Variants in COX15 observed in about 807,000 individuals in gnomAD.
COX15 encodes the protein cytochrome c oxidase assembly factor COX15, also known as heme A synthase COX15.
A neutral mutation model predicts 51.9 loss-of-function variants in COX15; 51 were observed. The observed-to-expected ratio is 0.98, with a 90% CI of 0.78 to 1.24. COX15 has a LOEUF of 1.24. Ranked by LOEUF, COX15 falls within the 50% of genes most tolerant of loss-of-function variation. COX15 has a pLI of 0.00. For missense variants in COX15, 420 were observed against 501.1 expected (o/e 0.84, Z 1.55); for synonymous variants, 188 against 190.5 (o/e 0.99, Z 0.11).
chr10:99,709,036 C>T, downstream of COX15: 1 of 983,496 alleles, frequency 1.0e-6, no homozygotes, highest in South Asian at 4.7e-5. Flanking sequence ...GTTTTCACTA[C>T]ATCTATTCTT....
At chr10:99,706,153 A>T (rs1233861771), downstream of COX15, 1 of 152,204 alleles carries the variant, frequency 6.6e-6, no homozygotes, top group East Asian at 1.9e-4. Context: ...AATAAATTTC[A>T]TACTGGGAAC....
At chr10:99,716,006 T>A (rs1033757) in intron 8 of COX15, among the ~76,000 whole-genome samples, 119,649 of 142,624 alleles carry the variant, frequency 0.84, 50,408 homozygotes, top group Middle Eastern at 0.91. Context: ...TTTTTTTTTT[T>A]AAACAGACAG....
chr10:99,709,585 C>A (rs1403003661), downstream of COX15: 1 of 984,492 alleles, frequency 1.0e-6, no homozygotes, highest in Non-Finnish European at 1.2e-6. Context: ...GAATATACCT[C>A]AAATTGAAAA....
chr10:99,715,544 C>A (rs980625324), intron 8 of COX15, among the ~76,000 whole-genome samples: 1 of 151,482 alleles, frequency 6.6e-6, no homozygotes, highest in Non-Finnish European at 1.5e-5. Flanking sequence ...GTTTCTAGGA[C>A]TGACACTAAT....
intron 2 of COX15, among the ~76,000 whole-genome samples, chr10:99,728,229 A>G (rs900000967): frequency 2.0e-5 from 3 of 152,198 alleles, no homozygotes; most frequent in East Asian, 1.9e-4. Flanking sequence ...GGCCCTGCCA[A>G]AAAGTCACTA....
Position 99,714,388 on chromosome 10 carries a change from AGGGAACATTTAGG to A in COX15, c.*186_*198del. 3 of 1,402,642 alleles carry A rather than the reference AGGGAACATTTAGG, an allele frequency of 2.1e-6. No homozygotes were observed. Among genetic ancestry groups the A allele is most frequent in the Non-Finnish European group, 2.8e-6 (3 of 1,079,162 alleles). The allele number at this position is 1,402,642 out of a possible 1,614,324, so 86.9% of individuals were successfully genotyped here. Reference sequence around the variant, plus strand: ...TTTCAACATGAAAAGCAGATTTAAAAGGGAACATTTAGGGTAACCACACTTAATGCATTCTTGA... The same window carrying A: ...TTTCAACATGAAAAGCAGATTTAAAAGTAACCACACTTAATGCATTCTTGA... On this transcript the variant is annotated 3_prime_UTR_variant, in exon 9 of 9. Coordinates refer to ENST00000016171, the MANE Select transcript of COX15 (RefSeq NM_078470.6).
At chr10:99,700,094 CCT>C in the COX15 span, among the ~76,000 whole-genome samples, 1 of 152,154 alleles carries the variant, frequency 6.6e-6, no homozygotes, top group Non-Finnish European at 1.5e-5. Context: ...CTTCACGCTC[CCT>C]GTTTTTCTGG....
chr10:99,708,726 T>G (rs2036300028), downstream of COX15: 5 of 640,366 alleles, frequency 7.8e-6, no homozygotes, highest in South Asian at 3.5e-4. Context: ...CAGAAGAGTT[T>G]TAAAGCTTCT....
At position 99,711,161 on chromosome 10, in the gene COX15, C is replaced by T. The variant is rs1477783320; in HGVS notation, c.*3426G>A. On this transcript the variant is annotated 3_prime_UTR_variant, in exon 9 of 9. Transcript: ENST00000016171. ...TCATAGATATAATACAGTTATATAGCTAAATGCAACCAGTTGTTTTTCCAA... is the reference window on the plus strand; with the variant it reads ...TCATAGATATAATACAGTTATATAGTTAAATGCAACCAGTTGTTTTTCCAA... The T allele has an allele frequency of 1.0e-6, 1 of 984,864 alleles. No homozygotes were observed. Among genetic ancestry groups the T allele is most frequent in the African/African-American group, 1.7e-5 (1 of 57,172 alleles). The allele number at this position is 984,864 out of a possible 1,614,324, so 61.0% of individuals were successfully genotyped here.
intron 7 of COX15, among the ~76,000 whole-genome samples, chr10:99,717,972 T>C (rs1447321002): frequency 6.6e-6 from 1 of 152,220 alleles, no homozygotes; most frequent in Non-Finnish European, 1.5e-5. Context: ...CTCCGAGAGC[T>C]ACGTGCTTAG....
chr10:99,715,639 T>TAA (rs573115316), intron 8 of COX15, among the ~76,000 whole-genome samples: 10 of 127,472 alleles, frequency 7.8e-5, no homozygotes, highest in African/African-American at 1.4e-4. Context: ...ACTCCATCTC[T>TAA]AAAAAAAAAA....
At position 99,712,217 on chromosome 10, in the gene COX15, C is replaced by T. The variant is rs2036416992; in HGVS notation, c.*2370G>A. ...GGGACAAAACATCCAAACCATATCA[C>T]CACCTGAGAATGGTACACTACAGGT... On this transcript the variant is annotated 3_prime_UTR_variant, in exon 9 of 9. Transcript: ENST00000016171. 2.0e-6 allele frequency: 2 copies of T among 984,418 alleles called. No individual in the cohort carries two copies. The highest frequency in any genetic ancestry group is 1.7e-5 in the African/African-American group (1 of 57,214). 61.0% of individuals were successfully genotyped at this position (984,418 alleles called of 1,614,324 possible).
At chr10:99,707,626 A>G (rs2036277580), downstream of COX15, among the ~76,000 whole-genome samples, 1 of 152,208 alleles carries the variant, frequency 6.6e-6, no homozygotes, top group South Asian at 2.1e-4. Flanking sequence ...AACAGAGACA[A>G]TGAACCTGAA....
At chr10:99,698,853 G>A in the COX15 span, 30 of 1,593,140 alleles carry the variant, frequency 1.9e-5, no homozygotes, top group Admixed American at 4.0e-4. Flanking sequence ...TGCCAAGGCT[G>A]CTCAGGTAAA....
chr10:99,731,929 C>T (rs766895914), intron 1 of COX15, 31 bp downstream of exon 1: 2 of 1,590,492 alleles, frequency 1.3e-6, no homozygotes, highest in Non-Finnish European at 1.7e-6. Flanking sequence ...ATCCCCGCTC[C>T]CGCGACTCGG....
the COX15 span, chr10:99,704,754 A>G: frequency 1.5e-6 from 2 of 1,327,624 alleles, no homozygotes; most frequent in South Asian, 1.3e-5. Context: ...ACTTTCTTAT[A>G]TAGCCTCAGA....
At position 99,727,570 on chromosome 10, in the gene COX15, A is replaced by G; in HGVS notation, c.273-7T>C. On this transcript the variant is annotated splice_region_variant and splice_polypyrimidine_tract_variant and intron_variant, in intron 2 of 8. Transcript: ENST00000016171. ...GAGGCCAGACTCTGTCAACCTTAGGATAGGAAAGAAATTTTGGGGTGTATG... is the reference window on the plus strand; with the variant it reads ...GAGGCCAGACTCTGTCAACCTTAGGGTAGGAAAGAAATTTTGGGGTGTATG... 1 of 1,613,046 alleles carries G rather than the reference A, an allele frequency of 6.2e-7. No homozygotes were observed. Among genetic ancestry groups the G allele is most frequent in the South Asian group, 1.1e-5 (1 of 91,046 alleles).
the COX15 span, chr10:99,702,776 T>A: frequency 9.0e-7 from 1 of 1,110,362 alleles, no homozygotes; most frequent in Non-Finnish European, 1.2e-6. Context: ...TTAGAATAGG[T>A]CTTAAGTGAC....
chr10:99,702,643 T>C, the COX15 span: 4 of 1,613,024 alleles, frequency 2.5e-6, no homozygotes, highest in East Asian at 8.9e-5. Context: ...CTGGGAGCCA[T>C]TCTATATAAA....
Sources: gnomAD v4.1 joint callset for allele counts (sites outside exome capture counted in the v4.1 genomes callset) on GRCh38, gnomAD v4.1.1 for gene constraint, MANE v1.5 for transcripts, NCBI Gene and HGNC (gene_info 2026-07-23, HGNC 2026-07-21) for gene names.